Variants in KIF7 observed in about 807,000 individuals in gnomAD.
The protein encoded by KIF7 is kinesin-like protein KIF7.
In KIF7, 104 loss-of-function variants were observed where a neutral mutation model predicts 135.7. The observed-to-expected ratio is 0.77, with a 90% CI of 0.65 to 0.90. The LOEUF (loss-of-function observed/expected upper bound fraction) is 0.90. Among genes scored for constraint, KIF7 ranks in the 40% least tolerant of loss-of-function variants. The pLI is 0.00. For synonymous variants in KIF7, 883 were observed against 809.4 expected, an observed-to-expected ratio of 1.09 and a Z score of -1.54; for missense variants, 2,005 against 1,839.1, an observed-to-expected ratio of 1.09 and a Z score of -1.65.
At chr15:89,631,767 G>GA in intron 14 of KIF7, 57 bp from the exon 15 acceptor site, 1 of 1,425,934 alleles carries the variant, frequency 7.0e-7, no homozygotes, top group Non-Finnish European at 9.5e-7. Flanking sequence ...TCACAGGGGG[G>GA]ACAGAAAGGG....
At chr15:89,643,452 G>A (rs894577812) in intron 10 of KIF7, among the ~76,000 whole-genome samples, 8 of 152,124 alleles carry the variant, frequency 5.3e-5, no homozygotes, top group Non-Finnish European at 1.2e-4. Flanking sequence ...GGCATTCACG[G>A]GGTCCTGGAA....
At chr15:89,629,711 ACT>A (rs1782873868) in intron 16 of KIF7, 138 bp from the exon 17 acceptor site, 3 of 1,164,238 alleles carry the variant, frequency 2.6e-6, no homozygotes, top group Non-Finnish European at 3.6e-6. Context: ...CTGAGCCAAG[ACT>A]CAGCCTCAGA....
In KIF7 at chr15:89,629,066, C is replaced by T. The variant is rs2141992697; in HGVS notation, c.3574G>A (p.Ala1192Thr). 5 of 1,613,384 alleles carry T rather than the reference C, an allele frequency of 3.1e-6. No homozygotes were observed. The highest frequency in any genetic ancestry group is 3.4e-6 in the Non-Finnish European group (4 of 1,179,908). ...SRRQYEARIQ[A>T]LEKELGRYMW... ...TAACGGCCCAGTTCCTTCTCCAGAG[C>T]TTGAATCCGGGCCTCATACTGCCTC... The change falls in exon 18 of 19, where the codon GCT becomes ACT. Residue 1192 changes from alanine to threonine, a missense_variant. Transcript: ENST00000394412.
exon 2 of KIF7, chr15:89,618,097 A>G (rs770565834): frequency 3.2e-6 from 5 of 1,555,292 alleles, no homozygotes; most frequent in East Asian, 4.5e-5. Flanking sequence ...TGTCTCCTTA[A>G]TAAGTGTTAA....
chr15:89,652,595 T>C lies in KIF7; in HGVS notation c.328+8A>G. 6.6e-7 allele frequency: 1 copy of C among 1,507,580 alleles called. No individual in the cohort carries two copies. The highest frequency in any genetic ancestry group is 8.9e-7 in the Non-Finnish European group (1 of 1,117,348). 93.4% of individuals were successfully genotyped at this position (1,507,580 alleles called of 1,614,324 possible). The stretch of plus-strand genomic sequence containing the variant: ...AGTGGGCACAGGGCCACGAACAGGG[T>C]CACTCACCCACACTGGCCTCCCCCA... On this transcript the variant is annotated splice_region_variant and intron_variant, in intron 2 of 18. Transcript: ENST00000394412.
downstream of KIF7, chr15:89,624,336 G>T (rs1963475196): frequency 6.2e-7 from 1 of 1,614,012 alleles, no homozygotes; most frequent in Admixed American, 1.7e-5. Flanking sequence ...ATCAGAAAGA[G>T]CCCCAGATGT....
chr15:89,630,187 T>C, intron 16 of KIF7, 100 bp downstream of exon 16: 2 of 1,108,240 alleles, frequency 1.8e-6, no homozygotes, highest in South Asian at 2.7e-5. Flanking sequence ...TGTCCCCCAG[T>C]CTGGGAGGAA....
rs201342316 is a variant in KIF7, at chr15:89,630,404, C to A, written c.3201G>T (p.Gln1067His). The A allele has an allele frequency of 6.8e-6, 11 of 1,611,878 alleles. No homozygotes were observed. The highest frequency in any genetic ancestry group is 9.3e-6 in the Non-Finnish European group (11 of 1,179,030). The change falls in exon 16 of 19, where the codon CAG (glutamine) becomes CAT (histidine). Residue 1067 changes from glutamine to histidine, a missense_variant. Physicochemically the swap from Gln to His is conservative, Grantham distance 24. Transcript: ENST00000394412. ...EYKNEAITCR[Q>H]RVLRASASLL... ...ACGAGGCTGAGGCCCGAAGCACCCG[C>A]TGGCGGCATGTGATGGCCTCATTCT...
downstream of KIF7, chr15:89,627,029 C>G: frequency 6.2e-7 from 1 of 1,614,120 alleles, no homozygotes; most frequent in South Asian, 1.1e-5. Flanking sequence ...GGAGGCGCCC[C>G]ATCAGCAGAA....
Position 89,645,000 on chromosome 15 carries a change from GC to G in KIF7, c.2191+12del. ...CCCTCGGGTGAGAGGCCCACCTGAT[GC>G]CCACGCCTCACCTGTGCGGACCAGC... is the stretch of plus-strand genomic sequence containing the variant. On this transcript the variant is annotated intron_variant, in intron 10 of 18. Transcript: ENST00000394412. The G allele has an allele frequency of 6.2e-7, 1 of 1,607,296 alleles. No individual in the cohort carries two copies.
chr15:89,642,956 A>G (rs1388128871), intron 10 of KIF7, among the ~76,000 whole-genome samples: 1 of 152,270 alleles, frequency 6.6e-6, no homozygotes, highest in Admixed American at 6.5e-5. Context: ...GCATTCTAAA[A>G]TAAATATGTA....
rs1964005320 is a variant in KIF7, at chr15:89,645,945, C to T, written c.1870G>A (p.Glu624Lys). ...RLGSGSSAAS[E>K]EEEEEEEPPR... is the part of the protein sequence containing the mutation. ...GGCTCCTCCTCCTCCTCTTCCTCCT[C>T]TGAAGCAGCTGAAGAGCCACTTCCC... Residue 624 changes from glutamate (E) to lysine (K), a missense_variant, in exon 8 of 19, where the codon GAG becomes AAG. By Grantham distance (56) the Glu-to-Lys change is moderately conservative. Transcript: ENST00000394412. The T allele has an allele frequency of 6.2e-7, 1 of 1,613,896 alleles. No homozygotes were observed. Among genetic ancestry groups the T allele is most frequent in the Non-Finnish European group, 8.5e-7 (1 of 1,179,998 alleles).
downstream of KIF7, chr15:89,626,114 C>T (rs1963521040): frequency 1.3e-6 from 2 of 1,593,214 alleles, no homozygotes; most frequent in Middle Eastern, 1.7e-4. Flanking sequence ...TGTCTGAATT[C>T]ACCAGGGTTG....
chr15:89,625,970 C>A, downstream of KIF7: 1 of 1,601,302 alleles, frequency 6.2e-7, no homozygotes. Context: ...CCGTGCGGAG[C>A]TGCCTCTCTG....
chr15:89,645,374 C>T lies in KIF7; in HGVS notation c.2000G>A (p.Cys667Tyr), dbSNP rs1354425756. The change falls in exon 9 of 19, where the codon TGC becomes TAC. Residue 667 changes from cysteine to tyrosine, a missense_variant. By Grantham distance (194) the Cys-to-Tyr change is radical. Transcript: ENST00000394412. ...SLPERKGPEL[C>Y]LEELDAAIPG... Reference sequence around the variant, plus strand: ...AATGGCTGCATCCAACTCCTCAAGGCAAAGCTCTGGGCCCTTCCTCTCTGG... The same window carrying T: ...AATGGCTGCATCCAACTCCTCAAGGTAAAGCTCTGGGCCCTTCCTCTCTGG... The T allele has an allele frequency of 1.2e-6, 2 of 1,614,142 alleles. No homozygotes were observed. Among genetic ancestry groups the T allele is most frequent in the Non-Finnish European group, 1.7e-6 (2 of 1,179,976 alleles).
chr15:89,641,714 T>C (rs912038311), intron 11 of KIF7, among the ~76,000 whole-genome samples: 1 of 152,064 alleles, frequency 6.6e-6, no homozygotes, highest in Non-Finnish European at 1.5e-5. Context: ...GACAGGAGAA[T>C]CACTTGAACC....
chr15:89,657,532 A>G (rs774569169), upstream of KIF7, among the ~76,000 whole-genome samples: 17 of 152,162 alleles, frequency 1.1e-4, no homozygotes, highest in Non-Finnish European at 1.8e-4. Flanking sequence ...TAGCACTCAT[A>G]TGCAACAATC....
intron 7 of KIF7, 69 bp from the exon 8 acceptor site, chr15:89,646,095 CTCA>C: frequency 6.3e-7 from 1 of 1,578,348 alleles, no homozygotes; most frequent in Non-Finnish European, 8.7e-7. Context: ...GCCTGCCCTC[CTCA>C]TATCTCTCCC....
chr15:89,659,544 GAAAGA>G (rs1173332685), upstream of KIF7, among the ~76,000 whole-genome samples: 3 of 151,944 alleles, frequency 2.0e-5, no homozygotes, highest in East Asian at 1.9e-4. Context: ...AGGGAGGGAA[GAAAGA>G]AAAGAGAAGA....
Sources: allele counts gnomAD v4.1 joint callset (sites outside exome capture counted in the v4.1 genomes callset), GRCh38; gene constraint gnomAD v4.1.1; transcripts MANE v1.5; gene names NCBI Gene and HGNC (gene_info 2026-07-23, HGNC 2026-07-21).